Variants in SPATA22 observed in about 807,000 individuals in gnomAD.
The protein encoded by SPATA22 is spermatogenesis associated 22, also known as spermatogenesis-associated protein 22.
SPATA22 carries 29 observed loss-of-function variants against 47.8 expected under a neutral mutation model. That is an observed-to-expected ratio of 0.61 (90% CI 0.45 to 0.83). The LOEUF (loss-of-function observed/expected upper bound fraction) is 0.83. Among genes scored for constraint, SPATA22 ranks in the 40% least tolerant of loss-of-function variants. The probability of loss-of-function intolerance (pLI) is 0.00; values close to 1 mark genes in which losing one functional copy is unlikely to be tolerated. For synonymous variants in SPATA22, 133 were observed against 140.9 expected (o/e 0.94, Z 0.40); for missense variants, 410 against 421.7 (o/e 0.97, Z 0.24).
intron 1 of SPATA22, among the ~76,000 whole-genome samples, chr17:3,494,681 T>G (rs2073880995): frequency 6.6e-6 from 1 of 152,182 alleles, no homozygotes; most frequent in African/African-American, 2.4e-5. Flanking sequence ...GCCTGCACGC[T>G]CAATGGAATT....
chr17:3,443,301 G>T, intron 7 of SPATA22, 30 bp from the exon 8 acceptor site: 1 of 1,483,394 alleles, frequency 6.7e-7, no homozygotes, highest in South Asian at 1.2e-5. Context: ...GGGAAAAAAT[G>T]AATGTTGGTA....
intron 8 of SPATA22, 96 bp downstream of exon 8, chr17:3,443,078 A>ACC: frequency 1.2e-6 from 1 of 868,762 alleles, no homozygotes; most frequent in Non-Finnish European, 1.8e-6. Flanking sequence ...AAAAGTACTA[A>ACC]ATTGTTAACA....
chr17:3,461,711 A>G (rs1173932652), intron 5 of SPATA22, among the ~76,000 whole-genome samples: 2 of 152,200 alleles, frequency 1.3e-5, no homozygotes, highest in South Asian at 2.1e-4. Context: ...AAAAAATACG[A>G]TATCTTTATA....
At chr17:3,493,996 T>A (rs2150758572) in intron 1 of SPATA22, among the ~76,000 whole-genome samples, 1 of 152,040 alleles carries the variant, frequency 6.6e-6, no homozygotes, top group East Asian at 1.9e-4. Context: ...GCTGTTGTTA[T>A]TATTGTTTCT....
intron 5 of SPATA22, among the ~76,000 whole-genome samples, chr17:3,450,128 G>GCCACCCAC (rs2072823230): frequency 6.6e-6 from 1 of 152,092 alleles, no homozygotes; most frequent in African/African-American, 2.4e-5. Flanking sequence ...GCTGGGGCTA[G>GCCACCCAC]AGGCATAAGC....
At chr17:3,511,614 A>G (rs2074115054) in intron 1 of SPATA22, 1 of 152,238 alleles carries the variant, frequency 6.6e-6, no homozygotes, top group African/African-American at 2.4e-5. Context: ...AAGAATATCC[A>G]ATACAGAAAA....
intron 1 of SPATA22, among the ~76,000 whole-genome samples, chr17:3,506,245 G>A (rs964332714): frequency 2.0e-5 from 3 of 152,094 alleles, no homozygotes; most frequent in African/African-American, 4.8e-5. Context: ...AGAGGACTTC[G>A]CCCAGGGCTG....
chr17:3,480,624 C>G (rs543604355), intron 1 of SPATA22, among the ~76,000 whole-genome samples: 1 of 152,328 alleles, frequency 6.6e-6, no homozygotes, highest in Admixed American at 6.5e-5. Context: ...GGTTCAGAAT[C>G]TTGCGGCCCT....
At chr17:3,452,153 G>A (rs2150706611) in intron 5 of SPATA22, among the ~76,000 whole-genome samples, 1 of 151,242 alleles carries the variant, frequency 6.6e-6, no homozygotes, top group East Asian at 1.9e-4. Flanking sequence ...ATGCCCAAGT[G>A]GAAATAAAAA....
intron 5 of SPATA22, among the ~76,000 whole-genome samples, chr17:3,450,545 G>A (rs116971913): frequency 1.3e-5 from 2 of 152,222 alleles, no homozygotes; most frequent in East Asian, 3.9e-4. Flanking sequence ...ACTCAGGCCA[G>A]TCTCAAACCC....
At chr17:3,479,357 G>A (rs1376042093) in intron 1 of SPATA22, among the ~76,000 whole-genome samples, 2 of 152,148 alleles carry the variant, frequency 1.3e-5, no homozygotes, top group East Asian at 1.9e-4. Context: ...TGTCGGGCGC[G>A]ACCTCAGGGG....
chr17:3,505,906 C>A (rs1368274588), intron 1 of SPATA22, among the ~76,000 whole-genome samples: 1 of 151,958 alleles, frequency 6.6e-6, no homozygotes, highest in Non-Finnish European at 1.5e-5. Flanking sequence ...TACAGGCATG[C>A]GCCAGCAAGC....
chr17:3,467,520 C>G lies in SPATA22; in HGVS notation c.78G>C (p.Lys26Asn), dbSNP rs1349281598. 3 of 1,608,898 alleles carry G rather than the reference C, an allele frequency of 1.9e-6. No homozygotes were observed. The highest frequency in any genetic ancestry group is 3.4e-5 in the Admixed American group (2 of 59,686). Residue 26 changes from lysine to asparagine, a missense_variant, in exon 3 of 9, where the codon AAG becomes AAC. Physicochemically the swap from Lys to Asn is moderately conservative, Grantham distance 94. Coordinates refer to ENST00000572969, the MANE Select transcript of SPATA22 (RefSeq NM_001170698.2). ...TAGAAGTTAATGGCTGTCTGTTCCTCTTTTTCTGATTGAACAACGGAACAG... is the reference window on the plus strand; with the variant it reads ...TAGAAGTTAATGGCTGTCTGTTCCTGTTTTTCTGATTGAACAACGGAACAG... ...CLPVPLFNQKKRNRQPLTSNP... is the reference protein window; with the variant it reads ...CLPVPLFNQKNRNRQPLTSNP...
At chr17:3,486,461 G>A (rs1033137084) in intron 1 of SPATA22, among the ~76,000 whole-genome samples, 8 of 152,066 alleles carry the variant, frequency 5.3e-5, no homozygotes, top group East Asian at 1.9e-4. Flanking sequence ...GACATTTCAC[G>A]AGCTGTTTGT....
intron 1 of SPATA22, among the ~76,000 whole-genome samples, chr17:3,492,952 G>C (rs934802117): frequency 2.0e-5 from 3 of 152,174 alleles, no homozygotes; most frequent in Non-Finnish European, 4.4e-5. Context: ...TAAATTCTGG[G>C]GTAGTATGTT....
chr17:3,484,856 G>A (rs763475155), intron 1 of SPATA22, among the ~76,000 whole-genome samples: 3 of 152,090 alleles, frequency 2.0e-5, no homozygotes, highest in Non-Finnish European at 2.9e-5. Flanking sequence ...ACCCCTAACT[G>A]ATGACATGCC....
At chr17:3,470,069 G>A (rs967802448) in intron 1 of SPATA22, among the ~76,000 whole-genome samples, 4 of 119,786 alleles carry the variant, frequency 3.3e-5, no homozygotes, top group Non-Finnish European at 6.4e-5. Flanking sequence ...CTCCAGCCTG[G>A]GCAACAAGAC....
At chr17:3,462,881 A>C in intron 3 of SPATA22, 114 bp from the exon 4 acceptor site, 1 of 793,422 alleles carries the variant, frequency 1.3e-6, no homozygotes. Context: ...AAAAAACTTG[A>C]ATATATGGAT....
intron 5 of SPATA22, among the ~76,000 whole-genome samples, chr17:3,452,596 A>C (rs1013564833): frequency 2.6e-5 from 4 of 151,592 alleles, no homozygotes; most frequent in African/African-American, 9.7e-5. Context: ...TCTCAAAAAG[A>C]AAAAAAAAGA....
Sources: allele counts gnomAD v4.1 joint callset (sites outside exome capture counted in the v4.1 genomes callset), GRCh38; gene constraint gnomAD v4.1.1; transcripts MANE v1.5; gene names NCBI Gene and HGNC (gene_info 2026-07-23, HGNC 2026-07-21).